The following EFR3A variants were observed in gnomAD, a reference collection of about 807,000 sequenced individuals.
EFR3A encodes EFR3 homolog A.
Under a neutral mutation model 104.4 loss-of-function variants are expected in EFR3A, and 76 were observed. The ratio of observed to expected loss-of-function variants is 0.73; its 90% CI spans 0.60 to 0.88. The LOEUF is 0.88. Ranked by LOEUF, EFR3A falls within the 40% of genes least tolerant of loss-of-function variation. EFR3A has a pLI of 0.00. For synonymous variants in EFR3A, 330 were observed against 330.0 expected, an observed-to-expected ratio of 1.00 and a Z score of 0.00; for missense variants, 985 against 1,012.5, an observed-to-expected ratio of 0.97 and a Z score of 0.37.
intron 2 of EFR3A, among the ~76,000 whole-genome samples, chr8:131,943,631 AC>A (rs1475144920): frequency 6.6e-6 from 1 of 151,910 alleles, no homozygotes; most frequent in Non-Finnish European, 1.5e-5. Context: ...ATAATTACTT[AC>A]TTTTGGGGGC....
Position 131,949,950 on chromosome 8 carries a change from T to C in EFR3A, c.367-19T>C, listed in dbSNP as rs1818616078. On this transcript the variant is annotated intron_variant, in intron 4 of 22. Coordinates refer to ENST00000254624, the MANE Select transcript of EFR3A (RefSeq NM_015137.6). ...CTTCTGAAGAAGGTGAAGTATATTA[T>C]ATTATTTGTGTTTTTTAGTTTGTCA... 3 of 1,570,072 alleles carry C rather than the reference T, an allele frequency of 1.9e-6. No individual in the cohort carries two copies. The highest frequency in any genetic ancestry group is 3.4e-4 in the Middle Eastern group (2 of 5,916).
rs114513989 is a variant in EFR3A at position 131,911,710 on chromosome 8, T to C, written c.10+7388T>C. ...AAAATGCCCATTTTTATGCTTAGGT[T>C]CAACAAAGTATGGACATTATATAGA... On this transcript the variant is annotated intron_variant, in intron 1 of 22. Transcript: ENST00000254624. Among the ~76,000 whole-genome samples the C allele has an allele frequency of 4.8e-3, 736 of 152,316 alleles. 7 individuals are homozygous for C. The highest frequency in any genetic ancestry group is 0.016 in the African/African-American group (684 of 41,564).
chr8:131,940,685 C>T (rs1200906971), intron 2 of EFR3A, 110 bp downstream of exon 2: 3 of 1,431,180 alleles, frequency 2.1e-6, no homozygotes, highest in Non-Finnish European at 2.8e-6. Flanking sequence ...CCTTACATCT[C>T]ATCATTTATA....
At chr8:131,952,353 G>A (rs1248975599) in intron 5 of EFR3A, among the ~76,000 whole-genome samples, 1 of 152,118 alleles carries the variant, frequency 6.6e-6, no homozygotes, top group Non-Finnish European at 1.5e-5. Flanking sequence ...GGGGGGTCAT[G>A]GCTAGAATGT....
chr8:131,993,156 C>T (rs1821285582), intron 18 of EFR3A, among the ~76,000 whole-genome samples: 1 of 152,030 alleles, frequency 6.6e-6, no homozygotes, highest in Non-Finnish European at 1.5e-5. Context: ...ATTATGTGGC[C>T]AAAAATGTCC....
chr8:132,005,999 A>AC (rs759106023), intron 22 of EFR3A, among the ~76,000 whole-genome samples: 33 of 152,306 alleles, frequency 2.2e-4, no homozygotes, highest in Non-Finnish European at 8.8e-5. Flanking sequence ...ATTAAAAGAC[A>AC]CCCATACCTC....
intron 16 of EFR3A, 56 bp from the exon 17 acceptor site, chr8:131,986,138 C>A: frequency 1.3e-6 from 1 of 792,084 alleles, no homozygotes; most frequent in Non-Finnish European, 2.0e-6. Flanking sequence ...ATTTTTATAG[C>A]AAGGTACTGA....
intron 1 of EFR3A, among the ~76,000 whole-genome samples, chr8:131,905,897 A>C (rs1243541363): frequency 6.6e-6 from 1 of 152,252 alleles, no homozygotes; most frequent in Non-Finnish European, 1.5e-5. Context: ...AGGGTTATCT[A>C]GCTTCACAGA....
intron 18 of EFR3A, among the ~76,000 whole-genome samples, chr8:131,993,780 T>C (rs1420400185): frequency 1.3e-5 from 2 of 151,930 alleles, no homozygotes; most frequent in African/African-American, 4.8e-5. Flanking sequence ...ATGTCTTTGC[T>C]GTTGTGAGCA....
intron 1 of EFR3A, among the ~76,000 whole-genome samples, chr8:131,924,832 T>A (rs185919743): frequency 2.0e-5 from 3 of 152,284 alleles, no homozygotes; most frequent in Admixed American, 2.0e-4. Flanking sequence ...AAGAAGCTTT[T>A]CTAGACTTCG....
rs757620580 is a variant in EFR3A, at chr8:131,940,512, C to A, written c.24C>A (p.Cys8Ter). ...TTTTTTTAACAGGAGTATGCTGCTG[C>A]TGTTCCGCTTTGCGTCCTCGCTACA... MPTRVCC[C>*]CSALRPRYKR... The change falls in exon 2 of 23, where the codon TGC (cysteine) becomes TGA (stop). Residue 8 changes from cysteine (C) to a stop codon, truncating the protein, a stop_gained. Coordinates refer to ENST00000254624, the MANE Select transcript of EFR3A (RefSeq NM_015137.6). LOFTEE classifies it high-confidence loss of function. 6.2e-7 allele frequency: 1 copy of A among 1,602,440 alleles called. No homozygotes were observed. Among genetic ancestry groups the A allele is most frequent in the Admixed American group, 1.7e-5 (1 of 58,880 alleles).
At chr8:132,009,081 A>G (rs1379077150) in intron 22 of EFR3A, among the ~76,000 whole-genome samples, 1 of 151,968 alleles carries the variant, frequency 6.6e-6, no homozygotes, top group Non-Finnish European at 1.5e-5. Flanking sequence ...TATACCAGGA[A>G]AATATAAGAA....
Position 131,970,554 on chromosome 8 carries a change from AG to A in EFR3A, c.1076del (p.Gly359AspfsTer3), listed in dbSNP as rs1563676977. On this transcript the variant is annotated frameshift_variant, in exon 10 of 23. Coordinates refer to ENST00000254624, the MANE Select transcript of EFR3A (RefSeq NM_015137.6). LOFTEE classifies it high-confidence loss of function. ...GTTGAATTCGAAGCAAATGATTTAC[AG>A]GGGGGATCTGTAGGCAGTGTCAACT... ...LSVEFEANDLQGGSVGSVNLN... is the reference protein window; with the variant it reads ...LSVEFEANDLXGGSVGSVNLN... The A allele has an allele frequency of 1.2e-6, 2 of 1,613,768 alleles. No homozygotes were observed. Among genetic ancestry groups the A allele is most frequent in the Admixed American group, 3.3e-5 (2 of 60,024 alleles).
At chr8:131,988,325 A>T (rs1002552615) in intron 18 of EFR3A, among the ~76,000 whole-genome samples, 10 of 152,242 alleles carry the variant, frequency 6.6e-5, no homozygotes, top group African/African-American at 2.2e-4. Context: ...GACTATATAA[A>T]TATTAAATTT....
chr8:131,922,167 G>A (rs1226243796), intron 1 of EFR3A, among the ~76,000 whole-genome samples: 1 of 152,072 alleles, frequency 6.6e-6, no homozygotes, highest in African/African-American at 2.4e-5. Flanking sequence ...CAGCCTTCTT[G>A]TGTGTATCCA....
At chr8:131,952,999 G>A (rs1818783196) in intron 5 of EFR3A, among the ~76,000 whole-genome samples, 1 of 152,192 alleles carries the variant, frequency 6.6e-6, no homozygotes, top group African/African-American at 2.4e-5. Context: ...GAAGGAAAAT[G>A]TTTTGAGACT....
intron 1 of EFR3A, chr8:131,940,251 G>T: frequency 2.2e-6 from 1 of 453,412 alleles, no homozygotes; most frequent in Non-Finnish European, 4.0e-6. Context: ...TTTTCACTTT[G>T]TCAGATGAAT....
intron 1 of EFR3A, among the ~76,000 whole-genome samples, chr8:131,918,803 G>A (rs1489687937): frequency 2.6e-5 from 4 of 152,142 alleles, no homozygotes. Context: ...GTTGCTCTGT[G>A]ACTAATGAGG....
At chr8:131,940,726 T>C in intron 2 of EFR3A, 151 bp downstream of exon 2, 7 of 1,272,258 alleles carry the variant, frequency 5.5e-6, no homozygotes, top group Non-Finnish European at 7.2e-6. Context: ...TTTTTTTTAC[T>C]CTTAAATGAC....
Sources: gnomAD v4.1 joint callset for allele counts (sites outside exome capture counted in the v4.1 genomes callset) on GRCh38, gnomAD v4.1.1 for gene constraint, MANE v1.5 for transcripts, NCBI Gene and HGNC (gene_info 2026-07-23, HGNC 2026-07-21) for gene names.